Variants in COG5 observed in about 807,000 individuals in gnomAD.
COG5 encodes conserved oligomeric Golgi complex subunit 5.
A neutral mutation model predicts 110.4 loss-of-function variants in COG5; 86 were observed. The ratio of observed to expected loss-of-function variants is 0.78; its 90% CI spans 0.65 to 0.93. The LOEUF is 0.93. COG5 is among the 40% of genes least tolerant of loss of function. The probability of loss-of-function intolerance (pLI) is 0.00; values close to 1 mark genes in which losing one functional copy is unlikely to be tolerated. For synonymous variants in COG5, 360 were observed against 334.6 expected (o/e 1.08, Z -0.83); for missense variants, 1,077 against 987.0 (o/e 1.09, Z -1.22).
intron 6 of COG5, among the ~76,000 whole-genome samples, chr7:107,457,679 C>T (rs995394569): frequency 6.6e-6 from 1 of 152,178 alleles, no homozygotes; most frequent in African/African-American, 2.4e-5. Context: ...TCCCCCCCGC[C>T]TCAGCCTCCC....
chr7:107,449,250 G>A (rs1328996230), intron 6 of COG5, among the ~76,000 whole-genome samples: 2 of 152,066 alleles, frequency 1.3e-5, no homozygotes, highest in African/African-American at 4.8e-5. Context: ...CTAGATGATG[G>A]GTTGATAGAT....
At chr7:107,338,397 A>T (rs542334394) in intron 10 of COG5, among the ~76,000 whole-genome samples, 17 of 152,294 alleles carry the variant, frequency 1.1e-4, no homozygotes, top group African/African-American at 4.1e-4. Flanking sequence ...AAAATGGGGA[A>T]AGAATAGCCT....
At chr7:107,419,871 A>C (rs1054107605) in intron 6 of COG5, among the ~76,000 whole-genome samples, 1 of 152,152 alleles carries the variant, frequency 6.6e-6, no homozygotes, top group African/African-American at 2.4e-5. Context: ...CCTGGCCAAG[A>C]GTTTATAGTT....
rs530160416 is a variant in COG5, at chr7:107,485,146, C to A, written c.538+42091G>T. 1.4e-4 allele frequency among the ~76,000 whole-genome samples: 21 copies of A among 152,284 alleles called. No individual in the cohort carries two copies. The East Asian group carries it at 3.9e-3, about 28-fold the overall frequency. On this transcript the variant is annotated intron_variant, in intron 6 of 21. Transcript: ENST00000297135. ...GACAGAGAAATGGTTAAGTGCAGAA[C>A]AAAAACTTGAATAGCCACCAGAGCT...
intron 6 of COG5, among the ~76,000 whole-genome samples, chr7:107,413,339 A>G (rs1584790920): frequency 6.6e-6 from 1 of 152,120 alleles, no homozygotes; most frequent in East Asian, 1.9e-4. Flanking sequence ...TATAACCACC[A>G]CCAGCTTCCA....
At position 107,270,607 on chromosome 7, in the gene COG5, C is replaced by T. The variant is rs192028451; in HGVS notation, c.1575+10693G>A. The stretch of plus-strand genomic sequence containing the variant: ...AAAAGTGAACATAAAAAAATCTAGA[C>T]CCAAGAAAAGAAAGATGTTATACAC... On this transcript the variant is annotated intron_variant, in intron 14 of 21. Transcript: ENST00000297135. Among the ~76,000 whole-genome samples, 15 of 150,914 alleles carry T rather than the reference C, an allele frequency of 9.9e-5. No individual in the cohort carries two copies. In the East Asian group the frequency reaches 2.3e-3, roughly 24 times the overall value.
chr7:107,471,144 T>C (rs561927770), intron 6 of COG5, among the ~76,000 whole-genome samples: 1 of 152,168 alleles, frequency 6.6e-6, no homozygotes, highest in South Asian at 2.1e-4. Flanking sequence ...CAATTGTATT[T>C]GAAATGTGAA....
In COG5 at chr7:107,236,662, C is replaced by T. The variant is rs776138283; in HGVS notation, c.1879G>A (p.Asp627Asn). ...TTCATGTACAGAGAACAAGGAACAT[C>T]AGGTTTTCCTGAGCTGGATAATGAC... ...SGSLSSSGKP[D>N]VPCSLYMKEL... Residue 627 changes from aspartate to asparagine, a missense_variant, in exon 18 of 22, where the codon GAT becomes AAT. Physicochemically the swap from Asp to Asn is conservative, Grantham distance 23. Coordinates refer to ENST00000297135, the MANE Select transcript of COG5 (RefSeq NM_006348.5). 5.6e-6 allele frequency: 9 copies of T among 1,613,992 alleles called. No individual in the cohort carries two copies. Among genetic ancestry groups the T allele is most frequent in the Non-Finnish European group, 7.6e-6 (9 of 1,179,918 alleles).
At chr7:107,477,009 TTC>T (rs1341545824) in intron 6 of COG5, among the ~76,000 whole-genome samples, 26 of 151,712 alleles carry the variant, frequency 1.7e-4, no homozygotes, top group Non-Finnish European at 3.4e-4. Context: ...CCCAATTTCC[TTC>T]TGTCTTATTT....
chr7:107,328,710 C>T (rs1015293041), intron 10 of COG5, among the ~76,000 whole-genome samples: 11 of 151,794 alleles, frequency 7.2e-5, no homozygotes, highest in African/African-American at 2.4e-4. Context: ...GATTCTTTCC[C>T]CCATAAAACT....
intron 17 of COG5, among the ~76,000 whole-genome samples, chr7:107,241,070 A>G (rs1166428273): frequency 6.6e-6 from 1 of 152,238 alleles, no homozygotes; most frequent in Non-Finnish European, 1.5e-5. Context: ...ATTTAAGCAA[A>G]TTAGTAAAAA....
chr7:107,314,531 C>T (rs944604006), intron 11 of COG5, among the ~76,000 whole-genome samples: 21 of 139,244 alleles, frequency 1.5e-4, no homozygotes, highest in African/African-American at 5.8e-4. Context: ...ATCACGAGGT[C>T]AGGAGATAAG....
chr7:107,233,215 A>T (rs1351067092), intron 18 of COG5, among the ~76,000 whole-genome samples: 1 of 152,048 alleles, frequency 6.6e-6, no homozygotes, highest in Non-Finnish European at 1.5e-5. Context: ...GTGGAGGGGG[A>T]GTATGTGCTT....
intron 21 of COG5, among the ~76,000 whole-genome samples, chr7:107,203,959 G>A (rs1032981706): frequency 6.6e-6 from 1 of 152,158 alleles, no homozygotes. Flanking sequence ...CACCGGCAAC[G>A]GAATGGGCAT....
intron 17 of COG5, among the ~76,000 whole-genome samples, chr7:107,243,537 C>G (rs896056243): frequency 1.2e-4 from 17 of 141,556 alleles, no homozygotes; most frequent in Middle Eastern, 3.9e-3. Flanking sequence ...AAAAAAATCT[C>G]AAAGACCTTC....
intron 6 of COG5, among the ~76,000 whole-genome samples, chr7:107,520,316 A>T (rs1195191059): frequency 1.3e-5 from 2 of 152,192 alleles, no homozygotes; most frequent in Non-Finnish European, 2.9e-5. Flanking sequence ...CAACAGAAAG[A>T]AATAAAGCGT....
At chr7:107,391,959 C>T (rs984727979) in intron 7 of COG5, among the ~76,000 whole-genome samples, 2 of 152,066 alleles carry the variant, frequency 1.3e-5, no homozygotes, top group South Asian at 2.1e-4. Context: ...GGCATGGTGG[C>T]GGCCACCTGT....
At chr7:107,251,223 GTGGAACA>G (rs1348548659) in intron 16 of COG5, among the ~76,000 whole-genome samples, 6 of 150,740 alleles carry the variant, frequency 4.0e-5, no homozygotes, top group Admixed American at 3.3e-4. Flanking sequence ...CCAGAAAACA[GTGGAACA>G]TATTTTAAGT....
chr7:107,334,076 G>C (rs1013209219), intron 10 of COG5, among the ~76,000 whole-genome samples: 4 of 152,068 alleles, frequency 2.6e-5, no homozygotes, highest in African/African-American at 7.2e-5. Context: ...ATATCCAAAG[G>C]AAAGGAAATC....
Sources: gnomAD v4.1 joint callset for allele counts (sites outside exome capture counted in the v4.1 genomes callset) on GRCh38, gnomAD v4.1.1 for gene constraint, MANE v1.5 for transcripts, NCBI Gene and HGNC (gene_info 2026-07-23, HGNC 2026-07-21) for gene names.